The following BNC2 variants were observed in gnomAD, a reference collection of about 807,000 sequenced individuals.
BNC2 encodes the protein basonuclin zinc finger protein 2, also known as zinc finger protein basonuclin-2.
Under a neutral mutation model 76.3 loss-of-function variants are expected in BNC2, and 20 were observed. The ratio of observed to expected loss-of-function variants is 0.26; its 90% CI spans 0.18 to 0.38. The LOEUF is 0.38. Ranked by LOEUF, BNC2 falls within the 10% of genes least tolerant of loss-of-function variation. BNC2 has a pLI of 1.00. For missense variants in BNC2, 1,382 were observed against 1,399.8 expected, an observed-to-expected ratio of 0.99 and a Z score of 0.20; for synonymous variants, 582 against 514.8, an observed-to-expected ratio of 1.13 and a Z score of -1.77.
Position 16,457,870 on chromosome 9 carries a change from C to T in BNC2, c.670-20346G>A, listed in dbSNP as rs575596757. Among the ~76,000 whole-genome samples, 4 of 152,256 alleles carry T rather than the reference C, an allele frequency of 2.6e-5. No individual in the cohort carries two copies. In the East Asian group the frequency reaches 7.7e-4, roughly 29 times the overall value. ...TCAGGCCTGCTAACCCTTTTTTCCACACCTTCCCATTGTTGTTTCAGATGC... is the reference window on the plus strand; with the variant it reads ...TCAGGCCTGCTAACCCTTTTTTCCATACCTTCCCATTGTTGTTTCAGATGC... On this transcript the variant is annotated intron_variant, in intron 5 of 6. Coordinates refer to ENST00000380672, the MANE Select transcript of BNC2 (RefSeq NM_017637.6).
rs1004985383 is a variant in BNC2, at chr9:16,596,868, T to A, written c.331-13783A>T. ...TACATGAATAATTGTATTTACTAAG[T>A]TCATGGCAACGAAGAAAAGCAGAGA... On this transcript the variant is annotated intron_variant, in intron 3 of 6. Transcript: ENST00000380672. 7.9e-5 allele frequency among the ~76,000 whole-genome samples: 12 copies of A among 152,218 alleles called. No homozygotes were observed. The East Asian group carries it at 2.1e-3, about 27-fold the overall frequency.
At chr9:16,667,659 A>C (rs1283035565) in intron 3 of BNC2, among the ~76,000 whole-genome samples, 1 of 152,332 alleles carries the variant, frequency 6.6e-6, no homozygotes, top group Non-Finnish European at 1.5e-5. Flanking sequence ...ATAATCAAAC[A>C]AGAAATGTTT....
intron 3 of BNC2, among the ~76,000 whole-genome samples, chr9:16,713,444 A>AC (rs1823906285): frequency 1.2e-5 from 1 of 82,160 alleles, no homozygotes; most frequent in South Asian, 4.0e-4. Context: ...AGGAAAAGGC[A>AC]CTTTTTTTTT....
chr9:16,493,366 C>T (rs926047140), intron 5 of BNC2, among the ~76,000 whole-genome samples: 1 of 152,074 alleles, frequency 6.6e-6, no homozygotes, highest in Non-Finnish European at 1.5e-5. Context: ...TTTCAAAGTA[C>T]AATATTGATA....
At chr9:16,481,563 T>A (rs747612615) in intron 5 of BNC2, among the ~76,000 whole-genome samples, 1 of 152,154 alleles carries the variant, frequency 6.6e-6, no homozygotes, top group African/African-American at 2.4e-5. Flanking sequence ...ACCGCGAGGG[T>A]CCGCGACTTC....
At chr9:16,657,588 G>A (rs1158163493) in intron 3 of BNC2, among the ~76,000 whole-genome samples, 1 of 152,202 alleles carries the variant, frequency 6.6e-6, no homozygotes, top group Non-Finnish European at 1.5e-5. Context: ...GATGGAAACA[G>A]AGGTGTGACT....
chr9:16,468,399 TA>T (rs1213617590), intron 5 of BNC2, among the ~76,000 whole-genome samples: 2 of 151,964 alleles, frequency 1.3e-5, no homozygotes, highest in Admixed American at 6.6e-5. Flanking sequence ...TATTTTTTTT[TA>T]TTTTTTATTT....
chr9:16,674,844 G>A (rs998858103), intron 3 of BNC2, among the ~76,000 whole-genome samples: 2 of 152,158 alleles, frequency 1.3e-5, no homozygotes, highest in African/African-American at 2.4e-5. Flanking sequence ...GAACAGTAGA[G>A]ATTTACACTT....
At chr9:16,791,251 C>T (rs994032181) in intron 1 of BNC2, among the ~76,000 whole-genome samples, 3 of 151,894 alleles carry the variant, frequency 2.0e-5, no homozygotes, top group South Asian at 2.1e-4. Flanking sequence ...TTAGTAGAGA[C>T]GGGGTTTCAC....
chr9:16,659,688 T>C (rs1276415103), intron 3 of BNC2, among the ~76,000 whole-genome samples: 1 of 152,138 alleles, frequency 6.6e-6, no homozygotes, highest in Non-Finnish European at 1.5e-5. Context: ...AGAATATTCT[T>C]CCCTTGATCT....
At chr9:16,718,792 C>A (rs1824063329) in intron 3 of BNC2, among the ~76,000 whole-genome samples, 1 of 152,164 alleles carries the variant, frequency 6.6e-6, no homozygotes, top group African/African-American at 2.4e-5. Flanking sequence ...AGGCTCACTG[C>A]CTCTGAGGAA....
chr9:16,434,264 T>A (rs774477486), intron 6 of BNC2, among the ~76,000 whole-genome samples: 10 of 152,210 alleles, frequency 6.6e-5, no homozygotes, highest in Non-Finnish European at 4.4e-5. Flanking sequence ...TAAAAAGGAT[T>A]GATCTCCAAA....
At position 16,417,805 on chromosome 9, in the gene BNC2, T is replaced by C. The variant is rs531443365; in HGVS notation, c.*1184A>G. 6.5e-6 allele frequency: 1 copy of C among 152,782 alleles called. No homozygotes were observed. Among genetic ancestry groups the C allele is most frequent in the Non-Finnish European group, 1.5e-5 (1 of 68,034 alleles). The allele number at this position is 152,782 out of a possible 1,614,324, so 9.5% of individuals were successfully genotyped here. A position where few individuals can be genotyped will look rare whatever the true frequency, so the allele number is the denominator to read the frequency against. ...AATGCCTTGGCTGTTTCACACCACA[T>C]AATTTTGTTTTCCTTTTATGTAACT... On this transcript the variant is annotated 3_prime_UTR_variant, in exon 7 of 7. Coordinates refer to ENST00000380672, the MANE Select transcript of BNC2 (RefSeq NM_017637.6).
At chr9:16,700,920 C>T (rs1161797370) in intron 3 of BNC2, among the ~76,000 whole-genome samples, 3 of 152,278 alleles carry the variant, frequency 2.0e-5, no homozygotes, top group African/African-American at 7.2e-5. Context: ...TCTAGCCAGA[C>T]TCTGTCTCAA....
intron 3 of BNC2, among the ~76,000 whole-genome samples, chr9:16,610,728 G>T (rs529409899): frequency 1.3e-5 from 2 of 152,236 alleles, no homozygotes; most frequent in East Asian, 1.9e-4. Context: ...AGATCATTAG[G>T]TACATGGAGT....
intron 1 of BNC2, among the ~76,000 whole-genome samples, chr9:16,849,166 A>G (rs1293717362): frequency 6.6e-6 from 1 of 152,076 alleles, no homozygotes; most frequent in Non-Finnish European, 1.5e-5. Flanking sequence ...AAACAAATGT[A>G]AAATTAGCTT....
intron 3 of BNC2, among the ~76,000 whole-genome samples, chr9:16,678,683 T>C (rs1391189134): frequency 6.6e-6 from 1 of 152,116 alleles, no homozygotes; most frequent in African/African-American, 2.4e-5. Flanking sequence ...TGATTGTTTT[T>C]ACATAAAAGT....
chr9:16,787,216 G>C (rs939673616), intron 1 of BNC2, among the ~76,000 whole-genome samples: 7 of 152,138 alleles, frequency 4.6e-5, no homozygotes, highest in African/African-American at 1.7e-4. Context: ...CAGAAGCCCT[G>C]GGCAGGGGGA....
rs538955322 is a variant in BNC2, at chr9:16,746,202, T to C, written c.4-7717A>G. On this transcript the variant is annotated intron_variant, in intron 1 of 6. Coordinates refer to ENST00000380672, the MANE Select transcript of BNC2 (RefSeq NM_017637.6). ...ACCCAGGAGGTTGATAATCTAGTAG[T>C]ATACCAGATTTACTCTTTGCGACTT... 2.3e-4 allele frequency among the ~76,000 whole-genome samples: 35 copies of C among 152,302 alleles called. No homozygotes were observed. The South Asian group carries it at 2.7e-3, about 12-fold the overall frequency.
Sources: allele counts gnomAD v4.1 joint callset (sites outside exome capture counted in the v4.1 genomes callset), GRCh38; gene constraint gnomAD v4.1.1; transcripts MANE v1.5; gene names NCBI Gene and HGNC (gene_info 2026-07-23, HGNC 2026-07-21).